Variants in NUDT5 observed in about 807,000 individuals in gnomAD.
NUDT5 encodes ADP-sugar pyrophosphatase.
In NUDT5, 21 loss-of-function variants were observed where a neutral mutation model predicts 34.1. The observed-to-expected ratio is 0.62, with a 90% CI of 0.44 to 0.89. The LOEUF is 0.89. NUDT5 is among the 40% of genes least tolerant of loss of function. NUDT5 has a pLI of 0.00. For synonymous variants in NUDT5, 85 were observed against 97.6 expected, an observed-to-expected ratio of 0.87 and a Z score of 0.76; for missense variants, 249 against 274.8, an observed-to-expected ratio of 0.91 and a Z score of 0.66.
chr10:12,183,597 C>T (rs1835078910), intron 3 of NUDT5, among the ~76,000 whole-genome samples: 1 of 152,200 alleles, frequency 6.6e-6, no homozygotes, highest in Non-Finnish European at 1.5e-5. Context: ...TACTAAATTT[C>T]ATCCTCATTC....
chr10:12,168,414 T>C lies in NUDT5; in HGVS notation c.551-603A>G, dbSNP rs1199061725. 6.6e-6 allele frequency among the ~76,000 whole-genome samples: 1 copy of C among 152,218 alleles called. No homozygotes were observed. Among genetic ancestry groups the C allele is most frequent in the East Asian group, 1.9e-4 (1 of 5,200 alleles). On this transcript the variant is annotated intron_variant, in intron 9 of 9. Coordinates refer to ENST00000491614, the MANE Select transcript of NUDT5 (RefSeq NM_014142.4). The surrounding 1 kb of genome is among the most constrained non-coding windows in gnomAD (Gnocchi z 4.8). The stretch of plus-strand genomic sequence containing the variant: ...TTATAGCTGGGGTAGGGCTTTGCTT[T>C]TCTGAAACCAGATGGTGATGATTAT...
chr10:12,191,336 T>C (rs561263390), intron 1 of NUDT5, among the ~76,000 whole-genome samples: 3 of 152,116 alleles, frequency 2.0e-5, no homozygotes, highest in South Asian at 2.1e-4. Flanking sequence ...TGAGCCAAGA[T>C]TGCGCCACTG....
Position 12,195,705 on chromosome 10 carries a change from T to C in NUDT5, c.-42+65A>G, listed in dbSNP as rs555577533. 5 of 159,814 alleles carry C rather than the reference T, an allele frequency of 3.1e-5. No homozygotes were observed. In the East Asian group the frequency reaches 9.4e-4, roughly 30 times the overall value. 9.9% of individuals were successfully genotyped at this position (159,814 alleles called of 1,614,324 possible). On this transcript the variant is annotated intron_variant, in intron 1 of 9. Coordinates refer to ENST00000491614, the MANE Select transcript of NUDT5 (RefSeq NM_014142.4). ...CACGCACCATGCAGATGTGGTCCCT[T>C]TCCCCTTCTTCTTCTCCTCCCCAAA...
chr10:12,177,310 G>A (rs936437506), intron 5 of NUDT5, among the ~76,000 whole-genome samples: 2 of 152,226 alleles, frequency 1.3e-5, no homozygotes, highest in African/African-American at 4.8e-5. Context: ...ACAAGGTCAG[G>A]AGATCGAGAC....
At chr10:12,193,182 G>A (rs1292058483) in intron 1 of NUDT5, among the ~76,000 whole-genome samples, 1 of 152,160 alleles carries the variant, frequency 6.6e-6, no homozygotes, top group Non-Finnish European at 1.5e-5. Context: ...TGACAGGTCT[G>A]GAGTAGAGTG....
At chr10:12,188,566 A>G (rs1835165808) in intron 1 of NUDT5, among the ~76,000 whole-genome samples, 1 of 152,052 alleles carries the variant, frequency 6.6e-6, no homozygotes, top group East Asian at 1.9e-4. Flanking sequence ...CCCTGTCTCT[A>G]CTAAAAATAC....
rs779462747 is a variant in NUDT5, at chr10:12,173,675, A to T, written c.385+43T>A. The T allele has an allele frequency of 2.9e-6, 4 of 1,387,162 alleles. No individual in the cohort carries two copies. The African/African-American group carries it at 5.7e-5, about 20-fold the overall frequency. 85.9% of individuals were successfully genotyped at this position (1,387,162 alleles called of 1,614,324 possible). Reference sequence around the variant, plus strand: ...ACCCAAATAATCAATCCCTTCCCAGACGGAGGAATCCATCACTTGGTGAAT... The same window carrying T: ...ACCCAAATAATCAATCCCTTCCCAGTCGGAGGAATCCATCACTTGGTGAAT... On this transcript the variant is annotated intron_variant, in intron 6 of 9. Transcript: ENST00000491614. This position sits in a 1 kb window ranked among gnomAD's most constrained non-coding sequence, Gnocchi z 4.7.
intron 1 of NUDT5, 71 bp from the exon 2 acceptor site, chr10:12,186,403 G>T: frequency 3.5e-6 from 3 of 857,022 alleles, no homozygotes; most frequent in Non-Finnish European, 5.8e-6. Context: ...CAGGACACTA[G>T]TCAAAGTACT....
chr10:12,183,321 T>C (rs1401073097), intron 3 of NUDT5, among the ~76,000 whole-genome samples: 1 of 152,212 alleles, frequency 6.6e-6, no homozygotes, highest in East Asian at 1.9e-4. Context: ...GGTTGGTGGA[T>C]CATACTGTGC....
intron 5 of NUDT5, among the ~76,000 whole-genome samples, chr10:12,176,401 C>T (rs1007926079): frequency 4.0e-5 from 6 of 150,188 alleles, no homozygotes; most frequent in Non-Finnish European, 7.4e-5. Flanking sequence ...GTCAGGAGTT[C>T]GAGACCAATC....
intron 4 of NUDT5, among the ~76,000 whole-genome samples, chr10:12,178,280 A>G (rs1211076622): frequency 6.6e-6 from 1 of 152,188 alleles, no homozygotes; most frequent in East Asian, 1.9e-4. Context: ...TCCTGGGTCA[A>G]CTTTGAGCAA....
intron 3 of NUDT5, among the ~76,000 whole-genome samples, chr10:12,183,874 G>GAC (rs1417172965): frequency 6.6e-6 from 1 of 152,156 alleles, no homozygotes; most frequent in Non-Finnish European, 1.5e-5. Flanking sequence ...GTTGTCTTCA[G>GAC]AATCTGCTTT....
At position 12,166,787 on chromosome 10, in the gene NUDT5, A is replaced by G. The variant is rs574198349; in HGVS notation, c.*915T>C. The G allele has an allele frequency of 4.1e-6, 2 of 485,562 alleles. No individual in the cohort carries two copies. The highest frequency in any genetic ancestry group is 3.1e-5 in the South Asian group (2 of 65,250). The allele number at this position is 485,562 out of a possible 1,614,324, so 30.1% of individuals were successfully genotyped here. A position where few individuals can be genotyped will look rare whatever the true frequency, so the allele number is the denominator to read the frequency against. ...AGAGCTAAACTCACTCAAGAAGCTA[A>G]GAAAATGGCCCAGGAACACTGGTAG... On this transcript the variant is annotated 3_prime_UTR_variant, in exon 10 of 10. Transcript: ENST00000491614.
At chr10:12,186,116 C>G in intron 2 of NUDT5, 113 bp downstream of exon 2, 1 of 899,980 alleles carries the variant, frequency 1.1e-6, no homozygotes. Context: ...TAGGAAAAAT[C>G]TTTACAACTG....
rs1368878964 is a variant in NUDT5 at position 12,181,805 on chromosome 10, T to G, written c.132-2673A>C. 6.6e-6 allele frequency among the ~76,000 whole-genome samples: 1 copy of G among 151,680 alleles called. No individual in the cohort carries two copies. Among genetic ancestry groups the G allele is most frequent in the Non-Finnish European group, 1.5e-5 (1 of 67,926 alleles). The stretch of plus-strand genomic sequence containing the variant: ...ACCAGCCTGGGCAACATAGTGAGAC[T>G]CTGTCTCTACTAAAAAAATAAAAAT... On this transcript the variant is annotated intron_variant, in intron 3 of 9. Transcript: ENST00000491614. The surrounding 1 kb of genome is among the most constrained non-coding windows in gnomAD (Gnocchi z 5.0).
At chr10:12,179,226 G>A (rs1835006668) in intron 3 of NUDT5, 94 bp from the exon 4 acceptor site, 2 of 914,452 alleles carry the variant, frequency 2.2e-6, no homozygotes, top group Non-Finnish European at 3.5e-6. Context: ...TAAATGCAAT[G>A]CATGCAAATG....
At position 12,179,127 on chromosome 10, in the gene NUDT5, C is replaced by G. The variant is rs747863752; in HGVS notation, c.137G>C (p.Trp46Ser). The G allele has an allele frequency of 2.7e-5, 43 of 1,613,868 alleles. No individual in the cohort carries two copies. In the Admixed American group the frequency reaches 6.8e-4, roughly 26 times the overall value. ...CCTGGTTGTACGTTTCACTGATTCC[C>G]AAGTTCTGTTCAGGCAGAGAAGAAA... ...YMDPTGKTRTWESVKRTTRKE... is the reference protein window; with the variant it reads ...YMDPTGKTRTSESVKRTTRKE... Residue 46 changes from tryptophan (W) to serine (S), a missense_variant, in exon 4 of 10, where the codon TGG (tryptophan) becomes TCG (serine). Transcript: ENST00000491614.
At chr10:12,174,345 C>T (rs1834914918) in intron 5 of NUDT5, among the ~76,000 whole-genome samples, 1 of 151,264 alleles carries the variant, frequency 6.6e-6, no homozygotes, top group Admixed American at 6.6e-5. Context: ...TGGCTCACTG[C>T]AACCTCTGCC....
intron 3 of NUDT5, among the ~76,000 whole-genome samples, chr10:12,184,180 T>C (rs573563920): frequency 9.8e-5 from 15 of 152,286 alleles, no homozygotes; most frequent in Non-Finnish European, 1.9e-4. Context: ...GCCTCCCAAG[T>C]AGCTGGGATT....
Sources: gnomAD v4.1 joint callset for allele counts (sites outside exome capture counted in the v4.1 genomes callset) on GRCh38, gnomAD v4.1.1 for gene constraint, Gnocchi (gnomAD v3.1) non-coding constraint, MANE v1.5 for transcripts, NCBI Gene and HGNC (gene_info 2026-07-23, HGNC 2026-07-21) for gene names.